Variants in NARS2 observed in about 807,000 individuals in gnomAD.
The protein encoded by NARS2 is asparaginyl-tRNA synthetase.
NARS2 carries 60 observed loss-of-function variants against 62.9 expected under a neutral mutation model. The ratio of observed to expected loss-of-function variants is 0.95; its 90% CI spans 0.77 to 1.18. NARS2 has a LOEUF of 1.18. NARS2 is among the 50% of genes most tolerant of loss of function. NARS2 has a pLI of 0.00. For missense variants in NARS2, 619 were observed against 576.4 expected (o/e 1.07, Z -0.76); for synonymous variants, 196 against 200.0 (o/e 0.98, Z 0.17).
chr11:78,571,822 T>C (rs1332931119), intron 1 of NARS2, among the ~76,000 whole-genome samples: 7 of 152,156 alleles, frequency 4.6e-5, no homozygotes, highest in Non-Finnish European at 8.8e-5. Context: ...TTTCTCAGGA[T>C]GTGGGGTGCG....
intron 6 of NARS2, among the ~76,000 whole-genome samples, chr11:78,509,682 T>C (rs1034137643): frequency 2.4e-4 from 37 of 152,030 alleles, no homozygotes; most frequent in Non-Finnish European, 3.8e-4. Flanking sequence ...AGATGTAATT[T>C]TGTGATATCA....
At chr11:78,449,333 TCAC>T (rs1368114353) in intron 11 of NARS2, among the ~76,000 whole-genome samples, 3 of 151,882 alleles carry the variant, frequency 2.0e-5, no homozygotes, top group Admixed American at 2.0e-4. Flanking sequence ...AGACAGGGTT[TCAC>T]CACGTTAGCC....
chr11:78,493,057 A>T lies in NARS2; in HGVS notation c.822+6T>A, dbSNP rs982391505. On this transcript the variant is annotated splice_donor_region_variant and intron_variant, in intron 7 of 13. Transcript: ENST00000281038. ...ATACCTGGTATTTTAAAACTTGTGT[A>T]CCTACCTGCATAAGATCTTGAAGGC... 5 of 1,605,128 alleles carry T rather than the reference A, an allele frequency of 3.1e-6. No individual in the cohort carries two copies. Among genetic ancestry groups the T allele is most frequent in the Non-Finnish European group, 4.2e-6 (5 of 1,176,940 alleles).
chr11:78,459,266 TTTTG>T (rs1340825842), intron 11 of NARS2, among the ~76,000 whole-genome samples: 4 of 148,506 alleles, frequency 2.7e-5, no homozygotes, highest in Non-Finnish European at 3.0e-5. Flanking sequence ...TTTTGTTTTG[TTTTG>T]TTTGTTTTTT....
chr11:78,477,521 A>G (rs1361545235), intron 9 of NARS2, among the ~76,000 whole-genome samples: 1 of 152,152 alleles, frequency 6.6e-6, no homozygotes, highest in Non-Finnish European at 1.5e-5. Flanking sequence ...TATATTCGGA[A>G]TAGGAGAACT....
At position 78,505,311 on chromosome 11, in the gene NARS2, CACACACACACACAT is replaced by C. The variant is rs1344277624; in HGVS notation, c.690-12130_690-12117del. Among the ~76,000 whole-genome samples the C allele has an allele frequency of 8.3e-3, 978 of 117,680 alleles. 7 individuals carry two copies. The highest frequency in any genetic ancestry group is 0.012 in the Non-Finnish European group (617 of 51,284). The allele number at this position is 117,680 out of a possible 152,430, so 77.2% of individuals were successfully genotyped here. On this transcript the variant is annotated intron_variant, in intron 6 of 13. Coordinates refer to ENST00000281038, the MANE Select transcript of NARS2 (RefSeq NM_024678.6). Reference sequence around the variant, plus strand: ...ACACACACACACACACACACACACACACACACACACACATACGTATGTATATATCTTATGTTAAA... The same window carrying C: ...ACACACACACACACACACACACACACACGTATGTATATATCTTATGTTAAA...
chr11:78,515,096 T>C (rs1246544396), intron 6 of NARS2, among the ~76,000 whole-genome samples: 1 of 152,174 alleles, frequency 6.6e-6, no homozygotes, highest in Non-Finnish European at 1.5e-5. Context: ...GAAGCTGTTA[T>C]CTGGAATATG....
intron 5 of NARS2, among the ~76,000 whole-genome samples, chr11:78,539,413 T>C (rs186237986): frequency 6.6e-6 from 1 of 151,976 alleles, no homozygotes; most frequent in Non-Finnish European, 1.5e-5. Context: ...AGCAAATGAG[T>C]AGATGGTAAC....
chr11:78,480,463 C>T (rs570303147), intron 7 of NARS2, among the ~76,000 whole-genome samples: 4 of 152,098 alleles, frequency 2.6e-5, no homozygotes, highest in African/African-American at 9.6e-5. Context: ...CCATGTTGGC[C>T]AGGCTGGTCT....
At chr11:78,564,352 T>C (rs969371123) in intron 4 of NARS2, among the ~76,000 whole-genome samples, 1 of 151,884 alleles carries the variant, frequency 6.6e-6, no homozygotes, top group Non-Finnish European at 1.5e-5. Context: ...CATGCCACCA[T>C]GCCTGGCTAA....
intron 6 of NARS2, among the ~76,000 whole-genome samples, chr11:78,511,686 C>T (rs1365271996): frequency 2.6e-5 from 4 of 151,404 alleles, no homozygotes; most frequent in Non-Finnish European, 5.9e-5. Flanking sequence ...CACTGCACTC[C>T]AGCCTGGGTG....
intron 11 of NARS2, among the ~76,000 whole-genome samples, chr11:78,446,423 G>A (rs1857762925): frequency 1.3e-5 from 2 of 152,204 alleles, no homozygotes; most frequent in South Asian, 2.1e-4. Context: ...TCTGTCCTCA[G>A]AGCAAGGAGG....
intron 5 of NARS2, among the ~76,000 whole-genome samples, chr11:78,535,492 T>C (rs562300793): frequency 1.8e-4 from 28 of 152,288 alleles, no homozygotes; most frequent in African/African-American, 6.0e-4. Context: ...CTTTATCTCA[T>C]TGTCTCACAC....
chr11:78,571,914 G>A (rs1214563813), intron 1 of NARS2, among the ~76,000 whole-genome samples: 1 of 152,156 alleles, frequency 6.6e-6, no homozygotes, highest in African/African-American at 2.4e-5. Flanking sequence ...TAATTTCCAG[G>A]TTGGGCACAG....
At chr11:78,478,356 G>A (rs376725805) in intron 9 of NARS2, 82 bp downstream of exon 9, 1 of 537,336 alleles carries the variant, frequency 1.9e-6, no homozygotes. Flanking sequence ...TATATAAGCA[G>A]ATATAAATTT....
rs576404846 is a variant in NARS2 at position 78,561,512 on chromosome 11, A to G, written c.514-1893T>C. On this transcript the variant is annotated intron_variant, in intron 4 of 13. Coordinates refer to ENST00000281038, the MANE Select transcript of NARS2 (RefSeq NM_024678.6). ...TTTCAGATTCCACCCATCACCTCCA[A>G]GTATTTAAATATTTTAATACACATT... 9.2e-5 allele frequency among the ~76,000 whole-genome samples: 14 copies of G among 152,346 alleles called. No homozygotes were observed. In the East Asian group the frequency reaches 2.3e-3, roughly 25 times the overall value.
At chr11:78,465,024 G>A (rs891793168) in intron 11 of NARS2, among the ~76,000 whole-genome samples, 10 of 152,214 alleles carry the variant, frequency 6.6e-5, no homozygotes, top group Non-Finnish European at 1.2e-4. Context: ...AGCAGGGGGC[G>A]GCGCTCGTCA....
intron 5 of NARS2, among the ~76,000 whole-genome samples, chr11:78,538,926 C>T (rs1255278731): frequency 2.4e-5 from 3 of 124,754 alleles, no homozygotes; most frequent in Admixed American, 1.1e-4. Context: ...ACCTGGGAGG[C>T]GGAGCTTGCA....
Position 78,468,038 on chromosome 11 carries a change from T to TG in NARS2, c.1026+1208dup, listed in dbSNP as rs1316514671. ...CAATCTTTGTTTATCAAGTAAGTAT[T>TG]GAAAAAAAAAAAAAAAAAAGAATTC... On this transcript the variant is annotated intron_variant, in intron 10 of 13. Coordinates refer to ENST00000281038, the MANE Select transcript of NARS2 (RefSeq NM_024678.6). Among the ~76,000 whole-genome samples the TG allele has an allele frequency of 1.5e-4, 20 of 132,138 alleles. 1 individual carries two copies. The highest frequency in any genetic ancestry group is 1.4e-3 in the Admixed American group (19 of 13,550). The allele number at this position is 132,138 out of a possible 152,430, so 86.7% of individuals were successfully genotyped here.
Sources: gnomAD v4.1 joint callset for allele counts (sites outside exome capture counted in the v4.1 genomes callset) on GRCh38, gnomAD v4.1.1 for gene constraint, MANE v1.5 for transcripts, NCBI Gene and HGNC (gene_info 2026-07-23, HGNC 2026-07-21) for gene names.